CACNA2D3: variants seen among roughly 807,000 people sequenced by gnomAD.
The protein encoded by CACNA2D3 is voltage-dependent calcium channel subunit alpha-2/delta-3.
Under a neutral mutation model 160.6 loss-of-function variants are expected in CACNA2D3, and 60 were observed. That is an observed-to-expected ratio of 0.37 (90% CI 0.30 to 0.46). The LOEUF is 0.46. Among genes scored for constraint, CACNA2D3 ranks in the 20% least tolerant of loss-of-function variants. The probability of loss-of-function intolerance (pLI) is 1.00; values close to 1 mark genes in which losing one functional copy is unlikely to be tolerated. For synonymous variants in CACNA2D3, 558 were observed against 492.9 expected (o/e 1.13, Z -1.75); for missense variants, 1,205 against 1,365.0 (o/e 0.88, Z 1.85).
At chr3:54,735,403 G>A (rs1701476589) in intron 11 of CACNA2D3, among the ~76,000 whole-genome samples, 1 of 152,184 alleles carries the variant, frequency 6.6e-6, no homozygotes, top group Admixed American at 6.5e-5. Context: ...CCAAAGGGGT[G>A]AAGCGTGAAA....
chr3:54,288,402 A>G (rs996194814), intron 2 of CACNA2D3, among the ~76,000 whole-genome samples: 1 of 152,216 alleles, frequency 6.6e-6, no homozygotes, highest in Non-Finnish European at 1.5e-5. Context: ...ATAGACCAAT[A>G]ACAGGATCTG....
At chr3:54,912,422 C>G (rs1700577396) in intron 27 of CACNA2D3, among the ~76,000 whole-genome samples, 1 of 152,108 alleles carries the variant, frequency 6.6e-6, no homozygotes, top group Non-Finnish European at 1.5e-5. Context: ...CTATTACCCT[C>G]TAATCTCAGC....
chr3:54,675,906 C>T (rs1207809843), intron 11 of CACNA2D3, among the ~76,000 whole-genome samples: 1 of 152,124 alleles, frequency 6.6e-6, no homozygotes, highest in African/African-American at 2.4e-5. Flanking sequence ...AAGATGGTGT[C>T]CTCCACACCA....
intron 14 of CACNA2D3, among the ~76,000 whole-genome samples, chr3:54,824,478 C>T (rs1355777128): frequency 6.6e-6 from 1 of 152,088 alleles, no homozygotes; most frequent in Non-Finnish European, 1.5e-5. Context: ...AGTGTTGTAC[C>T]AAGTTGTGTA....
intron 17 of CACNA2D3, among the ~76,000 whole-genome samples, chr3:54,854,743 A>G (rs1454188802): frequency 6.6e-6 from 1 of 152,136 alleles, no homozygotes; most frequent in African/African-American, 2.4e-5. Context: ...TTCTCTATAT[A>G]TAATGATTTA....
intron 35 of CACNA2D3, among the ~76,000 whole-genome samples, chr3:55,069,610 T>G (rs1272407971): frequency 6.6e-6 from 1 of 152,208 alleles, no homozygotes; most frequent in Non-Finnish European, 1.5e-5. Context: ...GTTCTTTTAT[T>G]AGTTCTAGTA....
At chr3:54,150,328 G>A (rs1473446194) in intron 2 of CACNA2D3, among the ~76,000 whole-genome samples, 1 of 152,150 alleles carries the variant, frequency 6.6e-6, no homozygotes, top group Non-Finnish European at 1.5e-5. Flanking sequence ...AGGGGATTTT[G>A]AAGGAAAAAT....
chr3:54,210,826 A>T (rs1701359085), intron 2 of CACNA2D3, among the ~76,000 whole-genome samples: 1 of 152,102 alleles, frequency 6.6e-6, no homozygotes, highest in South Asian at 2.1e-4. Flanking sequence ...AGGCAGAGAG[A>T]GGTGGTGAGT....
intron 2 of CACNA2D3, among the ~76,000 whole-genome samples, chr3:54,257,724 A>G (rs1702326071): frequency 6.6e-6 from 1 of 152,218 alleles, no homozygotes; most frequent in South Asian, 2.1e-4. Flanking sequence ...AAAAAAATAA[A>G]TGGGCAAAGG....
intron 2 of CACNA2D3, among the ~76,000 whole-genome samples, chr3:54,214,716 A>G (rs1701430814): frequency 6.6e-6 from 1 of 152,180 alleles, no homozygotes; most frequent in Admixed American, 6.5e-5. Context: ...CAGCTCTGAT[A>G]TATCCCTGTC....
At chr3:54,381,266 G>A (rs1699098318) in intron 3 of CACNA2D3, among the ~76,000 whole-genome samples, 1 of 152,006 alleles carries the variant, frequency 6.6e-6, no homozygotes, top group Admixed American at 6.6e-5. Context: ...TTGTTTTGAG[G>A]ATTTTCATCC....
At chr3:54,792,557 G>C (rs996756037) in intron 13 of CACNA2D3, among the ~76,000 whole-genome samples, 1 of 152,094 alleles carries the variant, frequency 6.6e-6, no homozygotes, top group Non-Finnish European at 1.5e-5. Flanking sequence ...GCCATCTCTT[G>C]GCTCTGTTTT....
At chr3:54,486,590 A>G (rs985485680) in intron 4 of CACNA2D3, among the ~76,000 whole-genome samples, 5 of 152,224 alleles carry the variant, frequency 3.3e-5, no homozygotes, top group Non-Finnish European at 7.3e-5. Flanking sequence ...CTTCCTTGCC[A>G]GCTCATGACT....
At chr3:54,927,052 C>G (rs555936086) in intron 27 of CACNA2D3, among the ~76,000 whole-genome samples, 1 of 152,298 alleles carries the variant, frequency 6.6e-6, no homozygotes, top group Admixed American at 6.5e-5. Context: ...ATGAGCCACA[C>G]AGTAATATCC....
At chr3:54,862,721 G>A (rs1207567719) in intron 17 of CACNA2D3, among the ~76,000 whole-genome samples, 6 of 152,124 alleles carry the variant, frequency 3.9e-5, no homozygotes, top group Admixed American at 3.9e-4. Context: ...ATGAGTCAAT[G>A]GGCCCGAACT....
At chr3:54,757,847 G>A (rs1303110636) in intron 12 of CACNA2D3, among the ~76,000 whole-genome samples, 1 of 152,188 alleles carries the variant, frequency 6.6e-6, no homozygotes, top group Non-Finnish European at 1.5e-5. Context: ...CAGCCAGCAG[G>A]CGGTAGAGCT....
rs1361891402 is a variant in CACNA2D3, at chr3:54,484,100, G to A, written c.382-19392G>A. 2.0e-5 allele frequency among the ~76,000 whole-genome samples: 3 copies of A among 152,264 alleles called. No homozygotes were observed. The East Asian group carries it at 5.8e-4, about 29-fold the overall frequency. On this transcript the variant is annotated intron_variant, in intron 4 of 37. Transcript: ENST00000474759. ...GAGATGGGTAGGAGGGTTTGAGTAA[G>A]ACCTCAAGAAACCCTAAGCAATGAA...
At chr3:54,951,784 G>C (rs1272367327) in intron 27 of CACNA2D3, among the ~76,000 whole-genome samples, 1 of 152,186 alleles carries the variant, frequency 6.6e-6, no homozygotes, top group Non-Finnish European at 1.5e-5. Flanking sequence ...CACAGGGTGG[G>C]TTCCTGGCCC....
intron 10 of CACNA2D3, chr3:54,639,033 CAGAG>C (rs1169629835): frequency 6.6e-6 from 1 of 151,430 alleles, no homozygotes; most frequent in Non-Finnish European, 1.5e-5. Flanking sequence ...TCCAGAAAAG[CAGAG>C]AAAGGGTTGG....
Sources: allele counts gnomAD v4.1 joint callset (sites outside exome capture counted in the v4.1 genomes callset), GRCh38; gene constraint gnomAD v4.1.1; transcripts MANE v1.5; gene names NCBI Gene and HGNC (gene_info 2026-07-23, HGNC 2026-07-21).